The following HMGCLL1 variants were observed in gnomAD, a reference collection of about 807,000 sequenced individuals.
HMGCLL1 encodes 3-hydroxymethyl-3-methylglutaryl-CoA lyase, cytoplasmic.
In HMGCLL1, 36 loss-of-function variants were observed where a neutral mutation model predicts 39.1. The observed-to-expected ratio is 0.92, with a 90% CI of 0.71 to 1.22. The LOEUF is 1.22. HMGCLL1 is among the 50% of genes most tolerant of loss of function. The pLI is 0.00. For synonymous variants in HMGCLL1, 149 were observed against 144.0 expected, an observed-to-expected ratio of 1.03 and a Z score of -0.25; for missense variants, 451 against 416.5, an observed-to-expected ratio of 1.08 and a Z score of -0.72.
At chr6:55,658,719 T>C in the HMGCLL1 span, among the ~76,000 whole-genome samples, 1 of 151,988 alleles carries the variant, frequency 6.6e-6, no homozygotes, top group Non-Finnish European at 1.5e-5. Context: ...GGTATTGGGA[T>C]ATGTTCTGAT....
At chr6:55,633,945 C>A in the HMGCLL1 span, among the ~76,000 whole-genome samples, 13 of 152,022 alleles carry the variant, frequency 8.6e-5, no homozygotes, top group East Asian at 2.5e-3. Flanking sequence ...CAAATATAAA[C>A]GCATTTTACT....
At position 55,522,816 on chromosome 6, in the gene HMGCLL1, A is replaced by G. The variant is rs375924156; in HGVS notation, c.298-6213T>C. Among the ~76,000 whole-genome samples, 20 of 152,176 alleles carry G rather than the reference A, an allele frequency of 1.3e-4. No individual in the cohort carries two copies. The East Asian group carries it at 2.9e-3, about 22-fold the overall frequency. ...GTTTTGGGTGGTTCTGTATTACCATAGAAATTATTCAGTGTGTTTTTGTAG... is the reference window on the plus strand; with the variant it reads ...GTTTTGGGTGGTTCTGTATTACCATGGAAATTATTCAGTGTGTTTTTGTAG... On this transcript the variant is annotated intron_variant, in intron 3 of 8. Transcript: ENST00000274901.
the HMGCLL1 span, among the ~76,000 whole-genome samples, chr6:55,589,080 A>C: frequency 6.6e-6 from 1 of 152,190 alleles, no homozygotes; most frequent in African/African-American, 2.4e-5. Flanking sequence ...CCTGATACCA[A>C]AGCCTGGCAG....
At chr6:55,478,013 C>A (rs12195570) in intron 7 of HMGCLL1, among the ~76,000 whole-genome samples, 19,848 of 148,112 alleles carry the variant, frequency 0.13, 1,659 homozygotes, top group Non-Finnish European at 0.18. Flanking sequence ...TTCAATATAA[C>A]TAACCTATAA....
chr6:55,465,440 CTAAT>C (rs1189543338), intron 7 of HMGCLL1, among the ~76,000 whole-genome samples: 2 of 151,750 alleles, frequency 1.3e-5, no homozygotes, highest in Non-Finnish European at 2.9e-5. Context: ...TTTTGTATTC[CTAAT>C]TATTTTTTAT....
the HMGCLL1 span, among the ~76,000 whole-genome samples, chr6:55,652,204 C>T: frequency 6.6e-6 from 1 of 152,014 alleles, no homozygotes; most frequent in Non-Finnish European, 1.5e-5. Flanking sequence ...AATTTTTGAT[C>T]AGCTGGATTT....
the HMGCLL1 span, among the ~76,000 whole-genome samples, chr6:55,667,007 T>G: frequency 1.3e-5 from 2 of 151,680 alleles, no homozygotes; most frequent in African/African-American, 4.8e-5. Context: ...ACTCATGAGT[T>G]TCCATTGACC....
intron 5 of HMGCLL1, among the ~76,000 whole-genome samples, chr6:55,504,060 A>C (rs1561922549): frequency 6.6e-6 from 1 of 151,754 alleles, no homozygotes; most frequent in Admixed American, 6.6e-5. Context: ...GCTATTTTCT[A>C]CTGAATAAAC....
chr6:55,647,291 A>G, the HMGCLL1 span, among the ~76,000 whole-genome samples: 1 of 151,692 alleles, frequency 6.6e-6, no homozygotes, highest in Non-Finnish European at 1.5e-5. Flanking sequence ...CTGTATCTCT[A>G]TAGGTGAAGT....
the HMGCLL1 span, among the ~76,000 whole-genome samples, chr6:55,637,924 A>G: frequency 6.6e-6 from 1 of 152,126 alleles, no homozygotes; most frequent in African/African-American, 2.4e-5. Flanking sequence ...GAGAAGATCC[A>G]CAATGGATGC....
intron 1 of HMGCLL1, among the ~76,000 whole-genome samples, chr6:55,567,283 A>T (rs1318631619): frequency 6.6e-6 from 1 of 152,062 alleles, no homozygotes; most frequent in Non-Finnish European, 1.5e-5. Context: ...AATTTGAAAA[A>T]AAATGTATAA....
At chr6:55,658,413 C>A in the HMGCLL1 span, among the ~76,000 whole-genome samples, 2 of 151,912 alleles carry the variant, frequency 1.3e-5, no homozygotes, top group East Asian at 3.9e-4. Flanking sequence ...CAACATCCTC[C>A]ACCCCCAACC....
chr6:55,568,399 G>T (rs930743523), intron 1 of HMGCLL1, among the ~76,000 whole-genome samples: 2 of 152,150 alleles, frequency 1.3e-5, no homozygotes, highest in African/African-American at 4.8e-5. Context: ...ATATCCCTAT[G>T]TAATTGTTCA....
At chr6:55,436,327 A>G (rs756104912) in intron 8 of HMGCLL1, among the ~76,000 whole-genome samples, 41 of 152,186 alleles carry the variant, frequency 2.7e-4, no homozygotes, top group South Asian at 8.3e-4. Flanking sequence ...AGTGGTATTT[A>G]GTACACATCT....
At chr6:55,655,554 A>AGATAGAT in the HMGCLL1 span, among the ~76,000 whole-genome samples, 1 of 151,624 alleles carries the variant, frequency 6.6e-6, no homozygotes, top group Non-Finnish European at 1.5e-5. Flanking sequence ...ATAGATAGAT[A>AGATAGAT]GATAGATAGA....
chr6:55,675,469 C>T, the HMGCLL1 span, among the ~76,000 whole-genome samples: 1 of 152,048 alleles, frequency 6.6e-6, no homozygotes, highest in Non-Finnish European at 1.5e-5. Flanking sequence ...ATTATGTCTT[C>T]TCAGGTGTCA....
intron 5 of HMGCLL1, among the ~76,000 whole-genome samples, chr6:55,504,577 A>G (rs1767057241): frequency 6.6e-6 from 1 of 151,834 alleles, no homozygotes; most frequent in Non-Finnish European, 1.5e-5. Context: ...AATTCTCCCT[A>G]TATACTTTAA....
chr6:55,633,641 C>T, the HMGCLL1 span, among the ~76,000 whole-genome samples: 2 of 151,796 alleles, frequency 1.3e-5, no homozygotes, highest in African/African-American at 4.8e-5. Flanking sequence ...GGTTTTCTAG[C>T]AAGGTAAAAT....
chr6:55,647,422 C>T, the HMGCLL1 span, among the ~76,000 whole-genome samples: 2 of 151,878 alleles, frequency 1.3e-5, no homozygotes, highest in Admixed American at 6.6e-5. Flanking sequence ...TAGGGACTTA[C>T]TCTTACAATT....
Sources: allele counts gnomAD v4.1 joint callset (sites outside exome capture counted in the v4.1 genomes callset), GRCh38; gene constraint gnomAD v4.1.1; transcripts MANE v1.5; gene names NCBI Gene and HGNC (gene_info 2026-07-23, HGNC 2026-07-21).